Variants in MAP2K4 observed in about 807,000 individuals in gnomAD.
MAP2K4 encodes dual specificity mitogen-activated protein kinase kinase 4.
MAP2K4 carries 4 observed loss-of-function variants against 48.5 expected under a neutral mutation model. That is an observed-to-expected ratio of 0.08 (90% CI 0.04 to 0.19). The LOEUF (loss-of-function observed/expected upper bound fraction) is 0.19. Among genes scored for constraint, MAP2K4 ranks in the 10% least tolerant of loss-of-function variants. The probability of loss-of-function intolerance (pLI) is 1.00; values close to 1 mark genes in which losing one functional copy is unlikely to be tolerated. For missense variants in MAP2K4, 258 were observed against 493.3 expected, an observed-to-expected ratio of 0.52 and a Z score of 4.52; for synonymous variants, 166 against 173.1, an observed-to-expected ratio of 0.96 and a Z score of 0.32.
intron 3 of MAP2K4, among the ~76,000 whole-genome samples, chr17:12,086,231 G>A (rs1419794514): frequency 7.9e-5 from 12 of 152,054 alleles, no homozygotes; most frequent in Admixed American, 2.0e-4. Flanking sequence ...GCCGTCGTTC[G>A]GTCAGATCAT....
Position 12,141,231 on chromosome 17 carries a change from A to G in MAP2K4, c.1171A>G (p.Thr391Ala). 1 of 1,613,420 alleles carries G rather than the reference A, an allele frequency of 6.2e-7. No homozygotes were observed. Among genetic ancestry groups the G allele is most frequent in the Admixed American group, 1.7e-5 (1 of 59,986 alleles). The change falls in exon 11 of 11, where the codon ACT becomes GCT. Residue 391 changes from threonine (T) to alanine (A), a missense_variant. Coordinates refer to ENST00000353533, the MANE Select transcript of MAP2K4 (RefSeq NM_003010.4). ...VCKILDQMPA[T>A]PSSPMYVD Reference sequence around the variant, plus strand: ...TAAAATCCTGGATCAAATGCCAGCTACTCCCAGCTCTCCCATGTATGTCGA... The same window carrying G: ...TAAAATCCTGGATCAAATGCCAGCTGCTCCCAGCTCTCCCATGTATGTCGA...
chr17:12,088,453 A>AAATATTAAATATATTG (rs1282552284), intron 3 of MAP2K4, among the ~76,000 whole-genome samples: 1 of 142,492 alleles, frequency 7.0e-6, no homozygotes, highest in Non-Finnish European at 1.5e-5. Flanking sequence ...AATATATATT[A>AAATATTAAATATATTG]AATATTATAC....
rs1972371572 is a variant in MAP2K4, at chr17:12,113,382, T to C, written c.813+22T>C. On this transcript the variant is annotated intron_variant, in intron 7 of 10. Transcript: ENST00000353533. ...GGCAGTAAGTGTTAAGTCCAGGCCT[T>C]CTTGCTTGATAGTCATTGCACAGAG... The C allele has an allele frequency of 2.5e-6, 4 of 1,610,340 alleles. 1 individual carries two copies. Among genetic ancestry groups the C allele is most frequent in the Middle Eastern group, 3.3e-4 (2 of 6,054 alleles).
intron 8 of MAP2K4, among the ~76,000 whole-genome samples, chr17:12,127,288 A>G (rs1210299719): frequency 6.6e-6 from 1 of 152,220 alleles, no homozygotes; most frequent in African/African-American, 2.4e-5. Context: ...GACAGGAGAG[A>G]ACATGGATCT....
chr17:12,101,843 A>AT (rs1462496091), intron 4 of MAP2K4, among the ~76,000 whole-genome samples: 1 of 152,036 alleles, frequency 6.6e-6, no homozygotes, highest in East Asian at 1.9e-4. Flanking sequence ...ATATCATTTG[A>AT]TTTTTTTATA....
rs28923191 is a variant in MAP2K4, at chr17:12,092,793, G to A, written c.394-2782G>A. Among the ~76,000 whole-genome samples the A allele has an allele frequency of 6.8e-3, 1,041 of 152,276 alleles. 12 individuals are homozygous for A. Among genetic ancestry groups the A allele is most frequent in the African/African-American group, 0.024 (999 of 41,544 alleles). On this transcript the variant is annotated intron_variant, in intron 3 of 10. Transcript: ENST00000353533. ...TGTAATCCCAGCACTTTGGGAGGCC[G>A]AGGCAGGCGGATCACGAGGTCAGGA...
chr17:12,080,083 A>G (rs1335718803), intron 2 of MAP2K4, among the ~76,000 whole-genome samples: 1 of 152,198 alleles, frequency 6.6e-6, no homozygotes, highest in Non-Finnish European at 1.5e-5. Context: ...TGAATCTTTG[A>G]AGTGTAACTT....
At chr17:12,114,698 G>A (rs2151578793) in intron 7 of MAP2K4, among the ~76,000 whole-genome samples, 3 of 152,234 alleles carry the variant, frequency 2.0e-5, no homozygotes, top group East Asian at 3.9e-4. Flanking sequence ...AAATGTTTTT[G>A]TTGTGTGACA....
At chr17:12,031,448 A>G (rs1309186900) in intron 1 of MAP2K4, among the ~76,000 whole-genome samples, 4 of 152,234 alleles carry the variant, frequency 2.6e-5, no homozygotes, top group African/African-American at 4.8e-5. Flanking sequence ...ACAAGCGTAG[A>G]TAGACCACTA....
At chr17:12,062,067 C>A (rs2151531759) in intron 2 of MAP2K4, among the ~76,000 whole-genome samples, 1 of 147,290 alleles carries the variant, frequency 6.8e-6, no homozygotes, top group East Asian at 2.2e-4. Flanking sequence ...TCTCCCCCCC[C>A]TTTTTTTCTT....
At chr17:12,037,873 A>G (rs1355697991) in intron 1 of MAP2K4, among the ~76,000 whole-genome samples, 1 of 152,088 alleles carries the variant, frequency 6.6e-6, no homozygotes, top group Non-Finnish European at 1.5e-5. Flanking sequence ...ACCTTATACC[A>G]TTACAAAGGG....
At position 12,115,982 on chromosome 17, in the gene MAP2K4, G is replaced by A. The variant is rs1398924858; in HGVS notation, c.813+2622G>A. On this transcript the variant is annotated intron_variant, in intron 7 of 10. Transcript: ENST00000353533. ...CTCTTTTCTCGTTCTTTTTAAGTCT[G>A]TTTTGTGGCACTCTAAAAATGCAGA... 3 of 394,270 alleles carry A rather than the reference G, an allele frequency of 7.6e-6. No homozygotes were observed. The East Asian group carries it at 1.8e-4, about 24-fold the overall frequency. The allele number at this position is 394,270 out of a possible 1,614,324, so 24.4% of individuals were successfully genotyped here.
At chr17:12,104,076 C>A (rs1156896886) in intron 4 of MAP2K4, among the ~76,000 whole-genome samples, 1 of 152,162 alleles carries the variant, frequency 6.6e-6, no homozygotes, top group African/African-American at 2.4e-5. Flanking sequence ...ATGTCTCCAA[C>A]TGGAGTACCG....
At chr17:12,118,893 G>A (rs62061027) in intron 7 of MAP2K4, among the ~76,000 whole-genome samples, 8,712 of 152,230 alleles carry the variant, frequency 0.057, 352 homozygotes, top group Non-Finnish European at 0.089. Flanking sequence ...GATGAACAAG[G>A]TAGTGACTTG....
intron 7 of MAP2K4, among the ~76,000 whole-genome samples, chr17:12,122,579 G>C (rs1419605757): frequency 1.3e-5 from 2 of 152,102 alleles, no homozygotes; most frequent in South Asian, 2.1e-4. Context: ...TTTACTGTTA[G>C]TTTCAGTAGG....
At chr17:12,112,228 C>T (rs184180855) in intron 6 of MAP2K4, among the ~76,000 whole-genome samples, 115 of 152,144 alleles carry the variant, frequency 7.6e-4, no homozygotes, top group African/African-American at 2.6e-3. Context: ...CTTTGGAGAC[C>T]AAGGCAGCTG....
At chr17:12,066,932 C>T (rs1419888799) in intron 2 of MAP2K4, among the ~76,000 whole-genome samples, 1 of 152,226 alleles carries the variant, frequency 6.6e-6, no homozygotes, top group Admixed American at 6.5e-5. Context: ...CCGCCTCGGC[C>T]TCCCAAAGTG....
intron 2 of MAP2K4, among the ~76,000 whole-genome samples, chr17:12,080,608 G>A (rs1461519995): frequency 1.3e-5 from 2 of 152,004 alleles, no homozygotes; most frequent in African/African-American, 4.8e-5. Context: ...TTTATCGAAC[G>A]AGGGCTGAAA....
intron 2 of MAP2K4, among the ~76,000 whole-genome samples, chr17:12,072,463 T>C (rs1970848845): frequency 6.6e-6 from 1 of 152,218 alleles, no homozygotes; most frequent in South Asian, 2.1e-4. Flanking sequence ...AGTTTTCTTA[T>C]TTTCTTCCTT....
Sources: allele counts gnomAD v4.1 joint callset (sites outside exome capture counted in the v4.1 genomes callset), GRCh38; gene constraint gnomAD v4.1.1; transcripts MANE v1.5; gene names NCBI Gene and HGNC (gene_info 2026-07-23, HGNC 2026-07-21).